The following NR6A1 variants were observed in gnomAD, a reference collection of about 807,000 sequenced individuals.
NR6A1 encodes the protein retinoic acid receptor-related testis-associated receptor.
Under a neutral mutation model 59.1 loss-of-function variants are expected in NR6A1, and 7 were observed. The observed-to-expected ratio is 0.12, with a 90% confidence interval of 0.07 to 0.22. The LOEUF (loss-of-function observed/expected upper bound fraction) is 0.22, where lower values mean the gene tolerates loss of function less well. NR6A1 is among the 10% of genes least tolerant of loss of function. NR6A1 has a pLI of 1.00. For missense variants in NR6A1, 468 were observed against 611.6 expected (o/e 0.77, Z 2.48); for synonymous variants, 243 against 236.1 (o/e 1.03, Z -0.27).
intron 2 of NR6A1, among the ~76,000 whole-genome samples, chr9:124,587,689 C>T (rs1022710438): frequency 2.0e-5 from 3 of 152,214 alleles, no homozygotes; most frequent in Non-Finnish European, 4.4e-5. Context: ...GCTTTTGTAA[C>T]TTCTTCCACA....
At chr9:124,528,293 A>C (rs548547461) in intron 7 of NR6A1, among the ~76,000 whole-genome samples, 213 of 152,334 alleles carry the variant, frequency 1.4e-3, no homozygotes, top group Non-Finnish European at 2.5e-3. Flanking sequence ...CCTCAGCAGC[A>C]GGTAGAACTA....
chr9:124,559,096 G>T (rs1047222350), intron 2 of NR6A1, among the ~76,000 whole-genome samples: 3 of 152,156 alleles, frequency 2.0e-5, no homozygotes, highest in African/African-American at 7.2e-5. Flanking sequence ...ACCATGCAAT[G>T]TGCAAGAAGT....
intron 2 of NR6A1, among the ~76,000 whole-genome samples, chr9:124,590,101 T>A (rs1308307517): frequency 7.6e-6 from 1 of 132,430 alleles, no homozygotes; most frequent in Non-Finnish European, 1.6e-5. Context: ...GCAAAGCTAG[T>A]CTACTGTAGC....
chr9:124,699,675 G>A (rs1838874550), intron 2 of NR6A1, among the ~76,000 whole-genome samples: 1 of 152,172 alleles, frequency 6.6e-6, no homozygotes, highest in Admixed American at 6.5e-5. Context: ...TGTTGTAAGT[G>A]TATAATTCAA....
chr9:124,549,883 A>G lies in NR6A1; in HGVS notation c.385+4445T>C, dbSNP rs535640959. 4.6e-5 allele frequency among the ~76,000 whole-genome samples: 7 copies of G among 152,304 alleles called. No homozygotes were observed. In the South Asian group the frequency reaches 8.3e-4, roughly 18 times the overall value. On this transcript the variant is annotated intron_variant, in intron 3 of 9. Coordinates refer to ENST00000487099, the MANE Select transcript of NR6A1 (RefSeq NM_033334.4). ...TTTGATTTCTCCAGTTGTTTCACTGATATCTTTTGTTCCAGAACACAATCC... is the reference window on the plus strand; with the variant it reads ...TTTGATTTCTCCAGTTGTTTCACTGGTATCTTTTGTTCCAGAACACAATCC...
chr9:124,612,376 G>GA, intron 2 of NR6A1, among the ~76,000 whole-genome samples: 1 of 152,172 alleles, frequency 6.6e-6, no homozygotes, highest in South Asian at 2.1e-4. Context: ...GGAAAGCAGA[G>GA]AAAAAAACAG....
intron 2 of NR6A1, among the ~76,000 whole-genome samples, chr9:124,700,219 G>A (rs1181522935): frequency 6.7e-6 from 1 of 149,638 alleles, no homozygotes; most frequent in Non-Finnish European, 1.5e-5. Flanking sequence ...TTTTGAAATG[G>A]GGTCTCACTC....
intron 2 of NR6A1, among the ~76,000 whole-genome samples, chr9:124,684,872 T>C (rs1838280746): frequency 6.6e-6 from 1 of 152,184 alleles, no homozygotes; most frequent in African/African-American, 2.4e-5. Context: ...TCCAAGTCAA[T>C]GGTCCATTTA....
At chr9:124,559,049 G>T (rs572313481) in intron 2 of NR6A1, among the ~76,000 whole-genome samples, 2 of 152,110 alleles carry the variant, frequency 1.3e-5, no homozygotes, top group Admixed American at 6.5e-5. Context: ...TTATCTTATA[G>T]ATAAGGCAAA....
rs543751478 is a variant in NR6A1 at position 124,724,762 on chromosome 9, T to C, written c.142+8546A>G. Reference sequence around the variant, plus strand: ...GAACAGCTGTTGCTAATCCAACTATTTACCCTTTGACCCTCTATCTGGCCA... The same window carrying C: ...GAACAGCTGTTGCTAATCCAACTATCTACCCTTTGACCCTCTATCTGGCCA... On this transcript the variant is annotated intron_variant, in intron 2 of 9. Coordinates refer to ENST00000487099, the MANE Select transcript of NR6A1 (RefSeq NM_033334.4). Among the ~76,000 whole-genome samples, 57 of 152,324 alleles carry C rather than the reference T, an allele frequency of 3.7e-4. 1 individual carries two copies. In the South Asian group the frequency reaches 0.011, roughly 30 times the overall value.
chr9:124,628,642 AT>A (rs1450503119), intron 2 of NR6A1, among the ~76,000 whole-genome samples: 181 of 138,418 alleles, frequency 1.3e-3, no homozygotes, highest in Admixed American at 2.0e-3. Context: ...CGTCCAGCCT[AT>A]TTTTTTTTTT....
intron 2 of NR6A1, among the ~76,000 whole-genome samples, chr9:124,561,139 A>G (rs1246387044): frequency 6.6e-6 from 1 of 152,048 alleles, no homozygotes; most frequent in East Asian, 1.9e-4. Context: ...TAATTTTTTA[A>G]AAGAACTGCT....
At chr9:124,598,994 T>G (rs1333134162) in intron 2 of NR6A1, 19 of 736,766 alleles carry the variant, frequency 2.6e-5, no homozygotes, top group South Asian at 2.3e-4. Context: ...CGTGTAGTGG[T>G]TGGCACAAAT....
intron 2 of NR6A1, among the ~76,000 whole-genome samples, chr9:124,555,142 T>A (rs1444703022): frequency 6.6e-6 from 1 of 152,196 alleles, no homozygotes; most frequent in Non-Finnish European, 1.5e-5. Context: ...CCAGGCCCTG[T>A]GCTAGGACAT....
intron 2 of NR6A1, among the ~76,000 whole-genome samples, chr9:124,571,547 A>C (rs990818636): frequency 2.6e-5 from 4 of 152,190 alleles, no homozygotes; most frequent in Admixed American, 1.3e-4. Flanking sequence ...GCCACTGCTG[A>C]CGGGACTGGA....
chr9:124,570,738 TG>T (rs202238038), intron 2 of NR6A1, among the ~76,000 whole-genome samples: 3 of 21,922 alleles, frequency 1.4e-4, no homozygotes, highest in South Asian at 3.9e-3. Context: ...TGGTGGGGGG[TG>T]GGGGGGCAGG....
At chr9:124,559,611 A>C (rs780500227) in intron 2 of NR6A1, among the ~76,000 whole-genome samples, 11 of 152,078 alleles carry the variant, frequency 7.2e-5, no homozygotes, top group Non-Finnish European at 1.5e-4. Context: ...CCCCATCTCT[A>C]CTAAAAATAC....
intron 2 of NR6A1, among the ~76,000 whole-genome samples, chr9:124,704,895 C>G (rs1032670159): frequency 6.6e-6 from 1 of 152,090 alleles, no homozygotes; most frequent in African/African-American, 2.4e-5. Context: ...CATGCCACAA[C>G]TGGCGAATTT....
chr9:124,542,360 A>G (rs1833473207), intron 4 of NR6A1, among the ~76,000 whole-genome samples: 1 of 152,190 alleles, frequency 6.6e-6, no homozygotes, highest in South Asian at 2.1e-4. Flanking sequence ...ATGATAAGAA[A>G]TCCCCCAAAC....
Sources: gnomAD v4.1 joint callset for allele counts (sites outside exome capture counted in the v4.1 genomes callset) on GRCh38, gnomAD v4.1.1 for gene constraint, MANE v1.5 for transcripts, NCBI Gene and HGNC (gene_info 2026-07-23, HGNC 2026-07-21) for gene names.